The following ANKRD12 variants were observed in gnomAD, a reference collection of about 807,000 sequenced individuals.
ANKRD12 encodes the protein ankyrin repeat domain 12.
In ANKRD12, 85 loss-of-function variants were observed where a neutral mutation model predicts 183.4. That is an observed-to-expected ratio of 0.46 (90% confidence interval 0.39 to 0.56). The LOEUF (loss-of-function observed/expected upper bound fraction) is 0.56, where lower values mean the gene tolerates loss of function less well. Ranked by LOEUF, ANKRD12 falls within the 20% of genes least tolerant of loss-of-function variation. The pLI is 0.00. For synonymous variants in ANKRD12, 914 were observed against 800.2 expected, an observed-to-expected ratio of 1.14 and a Z score of -2.40; for missense variants, 2,405 against 2,357.1, an observed-to-expected ratio of 1.02 and a Z score of -0.42.
At chr18:9,143,045 T>C (rs1365664705) in intron 1 of ANKRD12, among the ~76,000 whole-genome samples, 1 of 152,218 alleles carries the variant, frequency 6.6e-6, no homozygotes, top group African/African-American at 2.4e-5. Flanking sequence ...TTGGAACCTC[T>C]GAGTTAAAAT....
At chr18:9,235,929 T>C (rs1234198530) in intron 8 of ANKRD12, 1 of 237,966 alleles carries the variant, frequency 4.2e-6, no homozygotes, top group Non-Finnish European at 8.7e-6. Context: ...ATGGCATATA[T>C]AATATCTAGA....
intron 1 of ANKRD12, among the ~76,000 whole-genome samples, chr18:9,170,332 C>T (rs977440163): frequency 2.6e-5 from 4 of 152,176 alleles, no homozygotes; most frequent in South Asian, 4.2e-4. Context: ...CCATTCTCCC[C>T]GTCACTTTCA....
At position 9,256,113 on chromosome 18, in the gene ANKRD12, G is replaced by A. The variant is rs766191542; in HGVS notation, c.2846G>A (p.Gly949Asp). 4 of 1,552,968 alleles carry A rather than the reference G, an allele frequency of 2.6e-6. No homozygotes were observed. The highest frequency in any genetic ancestry group is 1.2e-5 in the South Asian group (1 of 80,164). The change falls in exon 9 of 13, where the codon GGC becomes GAC. Residue 949 changes from glycine (G) to aspartate (D), a missense_variant. This residue lies in a region of ANKRD12 where 1,983 missense variants were observed against 1,725.9 expected (regional missense o/e 1.15). Transcript: ENST00000262126. ...DNSEYSKSEK[G>D]KNKEKDRELD... ...AGTGAATACAGTAAATCAGAAAAAG[G>A]CAAAAATAAAGAAAAAGACAGGGAG... is the stretch of plus-strand genomic sequence containing the variant.
chr18:9,143,906 CT>C (rs1294587545), intron 1 of ANKRD12, among the ~76,000 whole-genome samples: 1 of 152,168 alleles, frequency 6.6e-6, no homozygotes, highest in Non-Finnish European at 1.5e-5. Flanking sequence ...TTCCTTTGTC[CT>C]TTTTCACCCT....
chr18:9,250,268 T>C (rs1375788406), intron 8 of ANKRD12: 1 of 152,220 alleles, frequency 6.6e-6, no homozygotes, highest in East Asian at 1.9e-4. Context: ...TTCTTTATCA[T>C]TGTTGGAGTT....
chr18:9,195,981 TACTC>T (rs2034760061), intron 3 of ANKRD12, among the ~76,000 whole-genome samples: 1 of 152,106 alleles, frequency 6.6e-6, no homozygotes, highest in African/African-American at 2.4e-5. Flanking sequence ...GAATAAAAAT[TACTC>T]AGTGATAAGG....
chr18:9,169,983 G>T (rs1202480388), intron 1 of ANKRD12, among the ~76,000 whole-genome samples: 1 of 152,062 alleles, frequency 6.6e-6, no homozygotes, highest in Non-Finnish European at 1.5e-5. Flanking sequence ...GCTTAGTTTG[G>T]CCGGATATGA....
At chr18:9,141,470 A>C (rs1301374038) in intron 1 of ANKRD12, among the ~76,000 whole-genome samples, 1 of 152,238 alleles carries the variant, frequency 6.6e-6, no homozygotes, top group Non-Finnish European at 1.5e-5. Flanking sequence ...CTTAGAAAAC[A>C]GTATCCAAGA....
Position 9,256,285 on chromosome 18 carries a change from T to C in ANKRD12, c.3018T>C (p.Asp1006=), listed in dbSNP as rs760394916. 3 of 1,604,760 alleles carry C rather than the reference T, an allele frequency of 1.9e-6. No homozygotes were observed. In the Admixed American group the frequency reaches 5.1e-5, roughly 28 times the overall value. ...TATCCCTTAAAGAAAAAACAAAAGA[T>C]GAACCTTTGAAAACTCCAGATGGAA... ...KPLSLKEKTK[D]EPLKTPDGKE... The change falls in exon 9 of 13, where the codon GAT becomes GAC. Residue 1006 remains aspartate (D), a synonymous_variant. Transcript: ENST00000262126.
chr18:9,226,497 C>T (rs1039566647), intron 8 of ANKRD12, among the ~76,000 whole-genome samples: 3 of 152,196 alleles, frequency 2.0e-5, no homozygotes, highest in African/African-American at 7.2e-5. Flanking sequence ...GTTCCTGCCC[C>T]TCCCACTGAT....
chr18:9,252,225 A>C (rs2038338438), intron 8 of ANKRD12, among the ~76,000 whole-genome samples: 1 of 152,174 alleles, frequency 6.6e-6, no homozygotes, highest in African/African-American at 2.4e-5. Context: ...TGAGTGATTA[A>C]ATTTAAAAAT....
At chr18:9,184,492 A>C (rs1192267374) in intron 2 of ANKRD12, among the ~76,000 whole-genome samples, 1 of 152,048 alleles carries the variant, frequency 6.6e-6, no homozygotes, top group Admixed American at 6.6e-5. Context: ...TCCCAGGCTC[A>C]AGCAATCCTT....
chr18:9,190,354 C>G (rs949891665), intron 2 of ANKRD12, among the ~76,000 whole-genome samples: 1 of 152,200 alleles, frequency 6.6e-6, no homozygotes, highest in Non-Finnish European at 1.5e-5. Context: ...AAAAATAGCT[C>G]ATCTTTCTTA....
chr18:9,181,488 G>C (rs761838157), intron 1 of ANKRD12, among the ~76,000 whole-genome samples: 15 of 152,180 alleles, frequency 9.9e-5, no homozygotes, highest in Non-Finnish European at 2.1e-4. Context: ...TCTGCTTCTT[G>C]TTGTAGCCCA....
intron 8 of ANKRD12, among the ~76,000 whole-genome samples, chr18:9,223,259 C>CTT (rs35340216): frequency 3.7e-4 from 54 of 144,668 alleles, no homozygotes; most frequent in Non-Finnish European, 5.2e-4. Context: ...ACCTCTCTCT[C>CTT]TTTTTTTTTT....
intron 2 of ANKRD12, among the ~76,000 whole-genome samples, chr18:9,188,861 C>G (rs2034275305): frequency 6.6e-6 from 1 of 152,220 alleles, no homozygotes; most frequent in African/African-American, 2.4e-5. Context: ...TGGCTTCTCT[C>G]CCAACTCCGC....
At chr18:9,162,673 G>A (rs2031581913) in intron 1 of ANKRD12, among the ~76,000 whole-genome samples, 2 of 152,148 alleles carry the variant, frequency 1.3e-5, no homozygotes, top group Admixed American at 6.5e-5. Flanking sequence ...CCCACTAACA[G>A]TGTAAAAGCA....
At chr18:9,138,682 A>C (rs2078214321) in intron 1 of ANKRD12, among the ~76,000 whole-genome samples, 1 of 152,254 alleles carries the variant, frequency 6.6e-6, no homozygotes, top group African/African-American at 2.4e-5. Flanking sequence ...AAGTGGCTTA[A>C]AAGCAAAATG....
chr18:9,222,608 A>G (rs947720255), intron 8 of ANKRD12, among the ~76,000 whole-genome samples: 8 of 152,202 alleles, frequency 5.3e-5, no homozygotes, highest in Non-Finnish European at 1.0e-4. Flanking sequence ...TCAGTTTTAC[A>G]AATGGCTGTT....
Sources: gnomAD v4.1 joint callset for allele counts (sites outside exome capture counted in the v4.1 genomes callset) on GRCh38, gnomAD v4.1.1 for gene constraint, gnomAD v4.1.1 regional missense constraint, MANE v1.5 for transcripts, NCBI Gene and HGNC (gene_info 2026-07-23, HGNC 2026-07-21) for gene names.